ITFG2: variants seen among roughly 807,000 people sequenced by gnomAD.
The protein encoded by ITFG2 is integrin alpha FG-GAP repeat containing 2, also known as KICSTOR complex protein ITFG2.
A neutral mutation model predicts 54.4 loss-of-function variants in ITFG2; 36 were observed. The observed-to-expected ratio is 0.66, with a 90% CI of 0.51 to 0.87. The LOEUF (loss-of-function observed/expected upper bound fraction) is 0.87, where lower values mean the gene tolerates loss of function less well. ITFG2 is among the 40% of genes least tolerant of loss of function. The probability of loss-of-function intolerance (pLI) is 0.00; values close to 1 mark genes in which losing one functional copy is unlikely to be tolerated. For missense variants in ITFG2, 524 were observed against 576.7 expected, an observed-to-expected ratio of 0.91 and a Z score of 0.94; for synonymous variants, 211 against 225.4, an observed-to-expected ratio of 0.94 and a Z score of 0.57.
chr12:2,815,946 C>G (rs2097920339), intron 1 of ITFG2, among the ~76,000 whole-genome samples: 1 of 152,090 alleles, frequency 6.6e-6, no homozygotes, highest in African/African-American at 2.4e-5. Flanking sequence ...CTCACTGCAG[C>G]TTCAGGTTCC....
intron 2 of ITFG2, among the ~76,000 whole-genome samples, chr12:2,854,269 G>C (rs2098080392): frequency 2.0e-5 from 3 of 151,928 alleles, no homozygotes; most frequent in Non-Finnish European, 2.9e-5. Flanking sequence ...AGGTGATCCG[G>C]CCGCCTCGGC....
chr12:2,815,870 T>G (rs2097920169), intron 1 of ITFG2, among the ~76,000 whole-genome samples: 1 of 152,086 alleles, frequency 6.6e-6, no homozygotes, highest in African/African-American at 2.4e-5. Flanking sequence ...AAGATTGTTT[T>G]GTTTTGTTTT....
chr12:2,827,757 C>G, downstream of ITFG2: 1 of 1,610,294 alleles, frequency 6.2e-7, no homozygotes, highest in Non-Finnish European at 8.5e-7. The surrounding 1 kb of genome is among the most constrained non-coding windows in gnomAD (Gnocchi z 4.0). Context: ...GTTGCTCCTT[C>G]TCTGCCCACC....
At chr12:2,846,361 C>T (rs1248995367) in intron 2 of ITFG2, among the ~76,000 whole-genome samples, 4 of 152,200 alleles carry the variant, frequency 2.6e-5, no homozygotes, top group African/African-American at 9.6e-5. Context: ...CTTCCTCCCA[C>T]TCCCTAAATC....
chr12:2,835,092 C>G, upstream of ITFG2: 1 of 1,437,770 alleles, frequency 7.0e-7, no homozygotes, highest in Non-Finnish European at 9.1e-7. Context: ...GCAGGGCCCA[C>G]AGCTGGCTGA....
chr12:2,826,666 G>C (rs1047967011), downstream of ITFG2: 1 of 158,260 alleles, frequency 6.3e-6, no homozygotes, highest in African/African-American at 2.4e-5. Flanking sequence ...TTGAATTCTG[G>C]CTGTTTCTTC....
intron 4 of ITFG2, among the ~76,000 whole-genome samples, chr12:2,819,373 CAGG>C (rs2097934336): frequency 6.6e-6 from 1 of 151,820 alleles, no homozygotes; most frequent in South Asian, 2.1e-4. Context: ...GAGGCTGAGG[CAGG>C]AGAATGGCAT....
intron 1 of ITFG2, among the ~76,000 whole-genome samples, chr12:2,840,471 G>T (rs991943533): frequency 6.8e-6 from 1 of 146,230 alleles, no homozygotes; most frequent in Non-Finnish European, 1.5e-5. Context: ...AAAAAAAAAG[G>T]ATTTAATTTC....
chr12:2,850,574 C>G (rs2098066894), intron 2 of ITFG2, among the ~76,000 whole-genome samples: 1 of 152,030 alleles, frequency 6.6e-6, no homozygotes, highest in Non-Finnish European at 1.5e-5. Context: ...ATGCTTACAT[C>G]TCATTCTATG....
upstream of ITFG2, chr12:2,835,217 G>A (rs974773479): frequency 2.0e-6 from 2 of 983,254 alleles, no homozygotes; most frequent in Non-Finnish European, 2.4e-6. Context: ...AGGAGAGTGA[G>A]AGACAGTGCT....
At chr12:2,843,416 T>C (rs1424539649) in intron 2 of ITFG2, among the ~76,000 whole-genome samples, 1 of 152,206 alleles carries the variant, frequency 6.6e-6, no homozygotes, top group African/African-American at 2.4e-5. Context: ...TTTTCCTGTT[T>C]CATGGATGGC....
chr12:2,821,706 A>G lies in ITFG2; in HGVS notation c.862A>G (p.Met288Val), dbSNP rs772548377. The part of the protein sequence containing the change: ...LCTLDGTLKL[M>V]EEMEEADKLL... ...TCCCCCGGCAGGGACACTGAAGCTC[A>G]TGGAAGAAATGGAAGAAGCAGACAA... Residue 288 changes from methionine to valine, a missense_variant, in exon 9 of 12, where the codon ATG (methionine) becomes GTG (valine). By Grantham distance (21) the Met-to-Val change is conservative. Transcript: ENST00000228799. 5.0e-6 allele frequency: 8 copies of G among 1,613,992 alleles called. No individual in the cohort carries two copies. In the South Asian group the frequency reaches 7.7e-5, roughly 16 times the overall value.
At chr12:2,835,088 C>T (rs1712336102), upstream of ITFG2, 7 of 1,438,168 alleles carry the variant, frequency 4.9e-6, no homozygotes, top group South Asian at 3.0e-5. Flanking sequence ...GTTGGCAGGG[C>T]CCACAGCTGG....
intron 4 of ITFG2, among the ~76,000 whole-genome samples, chr12:2,819,454 C>T (rs551548508): frequency 5.5e-4 from 82 of 149,634 alleles, no homozygotes; most frequent in Non-Finnish European, 5.5e-4. Context: ...GGCGAGAGAG[C>T]GAGACTCCGT....
chr12:2,822,789 T>C lies in ITFG2; in HGVS notation c.949-5T>C, dbSNP rs1603483234. ...TATGTTCCTTTTGTCTCTGTCCTTT[T>C]TCAGGGCAACGGGCATGAGGAGGTA... is the stretch of plus-strand genomic sequence containing the variant. On this transcript the variant is annotated splice_polypyrimidine_tract_variant and splice_region_variant and intron_variant, in intron 9 of 11. Coordinates refer to ENST00000228799, the MANE Select transcript of ITFG2 (RefSeq NM_018463.4). The C allele has an allele frequency of 1.2e-6, 2 of 1,613,116 alleles. No individual in the cohort carries two copies. The highest frequency in any genetic ancestry group is 1.7e-6 in the Non-Finnish European group (2 of 1,179,124).
intron 3 of ITFG2, chr12:2,858,698 G>A (rs199709615): frequency 6.5e-5 from 105 of 1,614,140 alleles, no homozygotes; most frequent in East Asian, 1.6e-4. Flanking sequence ...GTGGGTCCTC[G>A]TCCAGGCCAG....
upstream of ITFG2, among the ~76,000 whole-genome samples, chr12:2,836,294 G>A (rs2098027526): frequency 6.6e-6 from 1 of 152,148 alleles, no homozygotes; most frequent in Admixed American, 6.5e-5. Context: ...TTCTAGCCCT[G>A]GCTTATCAGC....
At chr12:2,828,890 A>G (rs2097984792), downstream of ITFG2, among the ~76,000 whole-genome samples, 1 of 152,154 alleles carries the variant, frequency 6.6e-6, no homozygotes, top group Non-Finnish European at 1.5e-5. Flanking sequence ...CAATAGGGGC[A>G]GAACTCCCAG....
chr12:2,854,411 C>A lies in ITFG2; in HGVS notation n.301-3601C>A, dbSNP rs926996574. Among the ~76,000 whole-genome samples, 19 of 152,230 alleles carry A rather than the reference C, an allele frequency of 1.2e-4. 1 individual carries two copies. The highest frequency in any genetic ancestry group is 7.9e-4 in the Admixed American group (12 of 15,282). On this transcript the variant is annotated intron_variant and non_coding_transcript_variant, in intron 2 of 3. Coordinates refer to the ITFG2 transcript ENST00000537710. ...GTGAGGTCGGTACCTGAGGCTCCCCCCTTCATCGGTGAGGGAGCTGAGGCT... is the reference window on the plus strand; with the variant it reads ...GTGAGGTCGGTACCTGAGGCTCCCCACTTCATCGGTGAGGGAGCTGAGGCT...
Sources: allele counts gnomAD v4.1 joint callset (sites outside exome capture counted in the v4.1 genomes callset), GRCh38; gene constraint gnomAD v4.1.1; non-coding constraint Gnocchi (gnomAD v3.1); transcripts MANE v1.5; gene names NCBI Gene and HGNC (gene_info 2026-07-23, HGNC 2026-07-21).